KHDRBS2: variants seen among roughly 807,000 people sequenced by gnomAD.
KHDRBS2 encodes the protein KH domain-containing, RNA-binding, signal transduction-associated protein 2.
Under a neutral mutation model 44.3 loss-of-function variants are expected in KHDRBS2, and 26 were observed. That is an observed-to-expected ratio of 0.59 (90% CI 0.43 to 0.81). The LOEUF is 0.81. KHDRBS2 is among the 40% of genes least tolerant of loss of function. The probability of loss-of-function intolerance (pLI) is 0.00; values close to 1 mark genes in which losing one functional copy is unlikely to be tolerated. For missense variants in KHDRBS2, 476 were observed against 433.1 expected, an observed-to-expected ratio of 1.10 and a Z score of -0.88; for synonymous variants, 194 against 151.1, an observed-to-expected ratio of 1.28 and a Z score of -2.08.
chr6:62,276,553 G>C (rs1009364515), intron 1 of KHDRBS2, among the ~76,000 whole-genome samples: 7 of 152,260 alleles, frequency 4.6e-5, no homozygotes, highest in African/African-American at 1.7e-4. Context: ...AGCTCTCTAA[G>C]AAGCAGTCAA....
chr6:61,954,876 G>A lies in KHDRBS2; in HGVS notation c.483+23190C>T, dbSNP rs796181733. On this transcript the variant is annotated intron_variant, in intron 4 of 8. Transcript: ENST00000281156. Reference sequence around the variant, plus strand: ...CATGTGTATATACACATACATATGTGTATATATGTATATATACACATACAT... The same window carrying A: ...CATGTGTATATACACATACATATGTATATATATGTATATATACACATACAT... Among the ~76,000 whole-genome samples the A allele has an allele frequency of 1.6e-3, 44 of 28,208 alleles. 12 individuals are homozygous for A. Among genetic ancestry groups the A allele is most frequent in the South Asian group, 3.9e-3 (3 of 766 alleles). The allele number at this position is 28,208 out of a possible 152,430, so 18.5% of individuals were successfully genotyped here.
At chr6:61,993,063 C>G (rs1356668839) in intron 3 of KHDRBS2, among the ~76,000 whole-genome samples, 1 of 152,036 alleles carries the variant, frequency 6.6e-6, no homozygotes. Context: ...TTCTCTTGGG[C>G]CCCGAAAAGC....
At chr6:61,731,466 C>A (rs1234018665) in intron 7 of KHDRBS2, among the ~76,000 whole-genome samples, 1 of 151,998 alleles carries the variant, frequency 6.6e-6, no homozygotes, top group Non-Finnish European at 1.5e-5. Flanking sequence ...TTTCTAATTG[C>A]CCACAGTATT....
intron 6 of KHDRBS2, among the ~76,000 whole-genome samples, chr6:61,865,670 C>T (rs367962889): frequency 6.6e-6 from 1 of 152,150 alleles, no homozygotes; most frequent in South Asian, 2.1e-4. Context: ...ACCAATCCTG[C>T]TTTCCCAACA....
intron 2 of KHDRBS2, among the ~76,000 whole-genome samples, chr6:62,055,606 TATTCA>T (rs1233626788): frequency 5.3e-5 from 8 of 151,832 alleles, no homozygotes; most frequent in African/African-American, 1.9e-4. Flanking sequence ...TGTACAAGAG[TATTCA>T]GTCTCAATCC....
chr6:61,766,332 T>A (rs1780003914), intron 6 of KHDRBS2, among the ~76,000 whole-genome samples: 2 of 152,120 alleles, frequency 1.3e-5, no homozygotes, highest in South Asian at 2.1e-4. Context: ...GTGTCCTTTT[T>A]CACCTCTGAT....
intron 6 of KHDRBS2, among the ~76,000 whole-genome samples, chr6:61,747,761 T>A (rs562210359): frequency 1.3e-5 from 2 of 152,240 alleles, no homozygotes; most frequent in South Asian, 4.1e-4. Flanking sequence ...CTTGTAGTCA[T>A]CTTTAACCTC....
At chr6:62,138,998 A>G (rs1812167477) in intron 2 of KHDRBS2, among the ~76,000 whole-genome samples, 1 of 152,188 alleles carries the variant, frequency 6.6e-6, no homozygotes, top group Admixed American at 6.5e-5. Context: ...CTTTTCCTTT[A>G]GCAAATACAA....
intron 7 of KHDRBS2, among the ~76,000 whole-genome samples, chr6:61,711,864 G>T (rs1233644393): frequency 1.3e-5 from 2 of 151,848 alleles, no homozygotes; most frequent in African/African-American, 4.8e-5. Flanking sequence ...TTTGTTACTG[G>T]TATAGTAATG....
At position 61,908,234 on chromosome 6, in the gene KHDRBS2, A is replaced by G. The variant is rs1583451518; in HGVS notation, c.484-6863T>C. On this transcript the variant is annotated intron_variant, in intron 4 of 8. Coordinates refer to ENST00000281156, the MANE Select transcript of KHDRBS2 (RefSeq NM_152688.4). ...GTTAGAGATAGACAAATATTTACCT[A>G]AGTATGTGAATAAGGACAAAAGAGA... 2.6e-5 allele frequency among the ~76,000 whole-genome samples: 4 copies of G among 152,260 alleles called. No individual in the cohort carries two copies. In the South Asian group the frequency reaches 8.3e-4, roughly 32 times the overall value.
At chr6:61,636,561 A>C in the KHDRBS2 span, among the ~76,000 whole-genome samples, 3,715 of 152,184 alleles carry the variant, frequency 0.024, 68 homozygotes, top group Middle Eastern at 0.088. Context: ...CTCAGCTCCC[A>C]GGGGACATTT....
At chr6:62,142,164 A>G (rs140011598) in intron 2 of KHDRBS2, among the ~76,000 whole-genome samples, 5 of 152,242 alleles carry the variant, frequency 3.3e-5, no homozygotes, top group African/African-American at 1.2e-4. Context: ...ATCTGCCAAG[A>G]TACTCTAAAA....
intron 7 of KHDRBS2, among the ~76,000 whole-genome samples, chr6:61,712,362 C>G (rs1562009612): frequency 6.6e-6 from 1 of 151,768 alleles, no homozygotes; most frequent in Non-Finnish European, 1.5e-5. Context: ...CTTCTTTAAG[C>G]AAGGCTGACA....
the KHDRBS2 span, among the ~76,000 whole-genome samples, chr6:61,547,955 C>G: frequency 5.0e-4 from 76 of 152,220 alleles, no homozygotes; most frequent in East Asian, 0.015. Flanking sequence ...CATTTTAACA[C>G]TTTACTAATT....
chr6:61,574,209 C>A, the KHDRBS2 span: 1 of 726,348 alleles, frequency 1.4e-6, no homozygotes, highest in South Asian at 1.5e-5. Flanking sequence ...AAAACATCAC[C>A]TCTAGCATTA....
chr6:62,142,790 G>T (rs187176042), intron 2 of KHDRBS2, among the ~76,000 whole-genome samples: 1 of 151,252 alleles, frequency 6.6e-6, no homozygotes, highest in East Asian at 1.9e-4. Flanking sequence ...ACAAGCAGGT[G>T]GCAAAATATA....
At chr6:62,059,530 G>A (rs1449896044) in intron 2 of KHDRBS2, among the ~76,000 whole-genome samples, 2 of 151,602 alleles carry the variant, frequency 1.3e-5, no homozygotes, top group African/African-American at 4.8e-5. Flanking sequence ...AGAGAGTAGT[G>A]TGAAGTAGTA....
chr6:61,928,218 A>T (rs375152035), intron 4 of KHDRBS2, among the ~76,000 whole-genome samples: 1 of 152,148 alleles, frequency 6.6e-6, no homozygotes, highest in Non-Finnish European at 1.5e-5. Context: ...AATGCAGCAT[A>T]TAATGCAACA....
intron 2 of KHDRBS2, among the ~76,000 whole-genome samples, chr6:62,085,642 T>C (rs1798244876): frequency 6.6e-6 from 1 of 152,106 alleles, no homozygotes; most frequent in Non-Finnish European, 1.5e-5. Flanking sequence ...ATCTTAGCTC[T>C]TAGGAAATTA....
Sources: allele counts gnomAD v4.1 joint callset (sites outside exome capture counted in the v4.1 genomes callset), GRCh38; gene constraint gnomAD v4.1.1; transcripts MANE v1.5; gene names NCBI Gene and HGNC (gene_info 2026-07-23, HGNC 2026-07-21).